The following PARP15 variants were observed in gnomAD, a reference collection of about 807,000 sequenced individuals.
PARP15 encodes poly(ADP-ribose) polymerase family member 15.
Under a neutral mutation model 62.1 loss-of-function variants are expected in PARP15, and 50 were observed. The ratio of observed to expected loss-of-function variants is 0.81; its 90% confidence interval spans 0.64 to 1.02. The LOEUF (loss-of-function observed/expected upper bound fraction) is 1.02, where lower values mean the gene tolerates loss of function less well. Ranked by LOEUF, PARP15 falls within the 50% of genes least tolerant of loss-of-function variation. The probability of loss-of-function intolerance (pLI) is 0.00; values close to 1 mark genes in which losing one functional copy is unlikely to be tolerated. For missense variants in PARP15, 820 were observed against 826.5 expected (o/e 0.99, Z 0.10); for synonymous variants, 309 against 293.1 (o/e 1.05, Z -0.55).
At chr3:122,621,978 T>G (rs1448304430) in intron 8 of PARP15, among the ~76,000 whole-genome samples, 1 of 152,214 alleles carries the variant, frequency 6.6e-6, no homozygotes, top group Non-Finnish European at 1.5e-5. Flanking sequence ...TTTGTATTTT[T>G]TATGGAGACA....
chr3:122,586,670 C>T (rs1933454857), intron 1 of PARP15, among the ~76,000 whole-genome samples: 1 of 151,882 alleles, frequency 6.6e-6, no homozygotes, highest in Non-Finnish European at 1.5e-5. Context: ...TTTAGGTTCC[C>T]AGCACAATTT....
Position 122,581,225 on chromosome 3 carries a change from C to T in PARP15, c.186+3372C>T, listed in dbSNP as rs531916744. ...TTTTCAATTCTTTTGTATTTATATCCAGAACTGGGATTGCTGGATCATATG... is the reference window on the plus strand; with the variant it reads ...TTTTCAATTCTTTTGTATTTATATCTAGAACTGGGATTGCTGGATCATATG... On this transcript the variant is annotated intron_variant, in intron 1 of 11. Coordinates refer to ENST00000464300, the MANE Select transcript of PARP15 (RefSeq NM_001113523.3). Among the ~76,000 whole-genome samples the T allele has an allele frequency of 1.7e-4, 26 of 152,198 alleles. No individual in the cohort carries two copies. In the South Asian group the frequency reaches 2.7e-3, roughly 16 times the overall value.
intron 1 of PARP15, among the ~76,000 whole-genome samples, chr3:122,602,508 G>A (rs1934877120): frequency 6.6e-6 from 1 of 152,140 alleles, no homozygotes; most frequent in East Asian, 1.9e-4. Flanking sequence ...TCTCCTGCGG[G>A]CACAACCTTA....
chr3:122,619,772 C>CT lies in PARP15; in HGVS notation c.1001-7dup. 3 of 1,605,746 alleles carry CT rather than the reference C, an allele frequency of 1.9e-6. No individual in the cohort carries two copies. The highest frequency in any genetic ancestry group is 2.6e-6 in the Non-Finnish European group (3 of 1,172,586). ...CTGATGCCTTTTACCATTAACATGT[C>CT]TTATTTAGGTGTGTCAAGAGCTATT... On this transcript the variant is annotated splice_polypyrimidine_tract_variant and intron_variant, in intron 6 of 11. Coordinates refer to ENST00000464300, the MANE Select transcript of PARP15 (RefSeq NM_001113523.3).
chr3:122,583,738 A>C (rs188047837), intron 1 of PARP15, among the ~76,000 whole-genome samples: 1 of 152,244 alleles, frequency 6.6e-6, no homozygotes, highest in Admixed American at 6.5e-5. Flanking sequence ...TGAATGCTTT[A>C]CCCTATACCA....
At chr3:122,631,097 GA>G (rs1200523393) in intron 9 of PARP15, among the ~76,000 whole-genome samples, 1 of 152,196 alleles carries the variant, frequency 6.6e-6, no homozygotes, top group Non-Finnish European at 1.5e-5. Context: ...GTATTCAGGG[GA>G]AAGGAAGCAG....
chr3:122,616,533 T>C (rs113862903), intron 5 of PARP15, among the ~76,000 whole-genome samples: 9,717 of 151,986 alleles, frequency 0.064, 956 homozygotes, highest in African/African-American at 0.22. Flanking sequence ...GGTTTCACCA[T>C]GTTGACCAAG....
intron 9 of PARP15, among the ~76,000 whole-genome samples, chr3:122,630,629 T>C (rs1937011057): frequency 6.6e-6 from 1 of 152,182 alleles, no homozygotes; most frequent in South Asian, 2.1e-4. Context: ...CAGTGATCCA[T>C]GATTGTGTCA....
At position 122,607,545 on chromosome 3, in the gene PARP15, A is replaced by G. The variant is rs554868131; in HGVS notation, c.306+1490A>G. 1.1e-4 allele frequency among the ~76,000 whole-genome samples: 16 copies of G among 152,324 alleles called. No individual in the cohort carries two copies. In the East Asian group the frequency reaches 2.9e-3, roughly 28 times the overall value. On this transcript the variant is annotated intron_variant, in intron 2 of 11. Transcript: ENST00000464300. The stretch of plus-strand genomic sequence containing the variant: ...ATAAGGACTCAAAAAAATGATAGCT[A>G]TTATCATTATCCCCTTATGATGGGC...
At chr3:122,579,999 G>GTGTATATATATA (rs1553725409) in intron 1 of PARP15, among the ~76,000 whole-genome samples, 36 of 64,454 alleles carry the variant, frequency 5.6e-4, no homozygotes, top group Non-Finnish European at 1.1e-3. Flanking sequence ...GCAACTATAT[G>GTGTATATATATA]TATATATATA....
At chr3:122,583,028 G>A (rs539169336) in intron 1 of PARP15, among the ~76,000 whole-genome samples, 16 of 149,596 alleles carry the variant, frequency 1.1e-4, no homozygotes, top group East Asian at 9.8e-4. Context: ...AAGTATGCCC[G>A]TGTTTTCCTC....
chr3:122,605,156 GC>G (rs1274991986), intron 1 of PARP15, among the ~76,000 whole-genome samples: 1 of 152,192 alleles, frequency 6.6e-6, no homozygotes, highest in Non-Finnish European at 1.5e-5. Flanking sequence ...AGGCAAGGTT[GC>G]TGCTGTATTT....
chr3:122,600,129 T>C (rs377523579), intron 1 of PARP15, among the ~76,000 whole-genome samples: 26 of 152,338 alleles, frequency 1.7e-4, no homozygotes, highest in African/African-American at 6.0e-4. Context: ...TATTTAAGTA[T>C]TTCACTCTTT....
chr3:122,580,279 T>G (rs192333286), intron 1 of PARP15, among the ~76,000 whole-genome samples: 47 of 152,020 alleles, frequency 3.1e-4, no homozygotes, highest in Admixed American at 1.8e-3. Flanking sequence ...ATTGTGGATT[T>G]GTTTATTTTC....
At chr3:122,635,419 CT>C (rs35594885) in intron 11 of PARP15, among the ~76,000 whole-genome samples, 105 of 145,082 alleles carry the variant, frequency 7.2e-4, no homozygotes, top group African/African-American at 1.6e-3. Context: ...TTTTAATGGG[CT>C]TTTTTTTTTA....
intron 1 of PARP15, among the ~76,000 whole-genome samples, chr3:122,582,633 G>A (rs191313862): frequency 1.3e-5 from 2 of 151,988 alleles, no homozygotes; most frequent in Admixed American, 1.3e-4. Context: ...CCTTATCACT[G>A]GTTTTAATCA....
chr3:122,604,955 G>A (rs567370901), intron 1 of PARP15, among the ~76,000 whole-genome samples: 7 of 152,342 alleles, frequency 4.6e-5, no homozygotes, highest in African/African-American at 1.7e-4. Flanking sequence ...AGAATCACTT[G>A]AATCCGGGAG....
chr3:122,593,628 T>C (rs939025559), intron 1 of PARP15, among the ~76,000 whole-genome samples: 8 of 152,232 alleles, frequency 5.3e-5, no homozygotes, highest in African/African-American at 1.7e-4. Context: ...GATAAAATGA[T>C]ACTAATGTAT....
chr3:122,635,029 A>G lies in PARP15; in HGVS notation c.1582A>G (p.Ile528Val), dbSNP rs1266133996. The change falls in exon 11 of 12, where the codon ATA (isoleucine) becomes GTA (valine). Residue 528 changes from isoleucine to valine, a missense_variant. This residue lies in a region of PARP15 where 731 missense variants were observed against 727.7 expected (regional missense o/e 1.00). Coordinates refer to ENST00000464300, the MANE Select transcript of PARP15 (RefSeq NM_001113523.3). ...CTTTTGTTACCTGCAGATTGAGAGG[A>G]TACAGAATGCATTTCTCTGGCAGAG... ...SSYAIEKIER[I>V]QNAFLWQSYQ... 1 of 1,613,950 alleles carries G rather than the reference A, an allele frequency of 6.2e-7. No homozygotes were observed. Among genetic ancestry groups the G allele is most frequent in the Non-Finnish European group, 8.5e-7 (1 of 1,179,918 alleles).
Sources: gnomAD v4.1 joint callset for allele counts (sites outside exome capture counted in the v4.1 genomes callset) on GRCh38, gnomAD v4.1.1 for gene constraint, gnomAD v4.1.1 regional missense constraint, MANE v1.5 for transcripts, NCBI Gene and HGNC (gene_info 2026-07-23, HGNC 2026-07-21) for gene names.